OTUD7A: variants seen among roughly 807,000 people sequenced by gnomAD.
The protein encoded by OTUD7A is OTU deubiquitinase 7A.
In OTUD7A, 12 loss-of-function variants were observed where a neutral mutation model predicts 65.7. The observed-to-expected ratio is 0.18, with a 90% CI of 0.12 to 0.30. The LOEUF (loss-of-function observed/expected upper bound fraction) is 0.30. Ranked by LOEUF, OTUD7A falls within the 10% of genes least tolerant of loss-of-function variation. The probability of loss-of-function intolerance (pLI) is 1.00; values close to 1 mark genes in which losing one functional copy is unlikely to be tolerated. For synonymous variants in OTUD7A, 641 were observed against 586.3 expected (o/e 1.09, Z -1.35); for missense variants, 1,148 against 1,304.8 (o/e 0.88, Z 1.85).
At chr15:31,864,613 C>G (rs1897829848) in intron 1 of OTUD7A, among the ~76,000 whole-genome samples, 1 of 152,134 alleles carries the variant, frequency 6.6e-6, no homozygotes, top group Non-Finnish European at 1.5e-5. Flanking sequence ...GTCCCTCCCA[C>G]AACACATGGA....
Position 31,477,596 on chromosome 15 carries a change from A to T in OTUD7A, c.*5698T>A, listed in dbSNP as rs2141050416. ...CAGCTAAAGTTCTCACAATAATAGA[A>T]CCTAGATTTGATGAAAGCTGAAATT... is the stretch of plus-strand genomic sequence containing the variant. On this transcript the variant is annotated 3_prime_UTR_variant, in exon 13 of 13. Coordinates refer to ENST00000307050, the MANE Select transcript of OTUD7A (RefSeq NM_001382637.1). The T allele has an allele frequency of 6.6e-6, 1 of 152,178 alleles. No individual in the cohort carries two copies. Among genetic ancestry groups the T allele is most frequent in the East Asian group, 1.9e-4 (1 of 5,174 alleles). The allele number at this position is 152,178 out of a possible 1,614,324, so 9.4% of individuals were successfully genotyped here.
chr15:31,654,449 T>C (rs935618200), intron 3 of OTUD7A, among the ~76,000 whole-genome samples: 2 of 152,028 alleles, frequency 1.3e-5, no homozygotes, highest in African/African-American at 4.8e-5. Context: ...AAGTATTTAC[T>C]AACTCCACAA....
intron 1 of OTUD7A, among the ~76,000 whole-genome samples, chr15:31,864,420 G>C (rs985115520): frequency 6.6e-6 from 1 of 152,166 alleles, no homozygotes; most frequent in African/African-American, 2.4e-5. Context: ...CACACGGCTG[G>C]GGAGACCTCA....
At chr15:31,754,556 C>T (rs999654352) in intron 1 of OTUD7A, among the ~76,000 whole-genome samples, 1 of 152,126 alleles carries the variant, frequency 6.6e-6, no homozygotes, top group Non-Finnish European at 1.5e-5. Flanking sequence ...GACAAGAATC[C>T]ATTTTCATTC....
At chr15:31,771,355 C>A (rs996770250) in intron 1 of OTUD7A, among the ~76,000 whole-genome samples, 1 of 152,174 alleles carries the variant, frequency 6.6e-6, no homozygotes, top group Non-Finnish European at 1.5e-5. Context: ...GATAGAAATA[C>A]CGACTTTACT....
intron 1 of OTUD7A, among the ~76,000 whole-genome samples, chr15:31,750,767 A>G (rs1470396709): frequency 6.6e-6 from 1 of 152,192 alleles, no homozygotes; most frequent in Non-Finnish European, 1.5e-5. Context: ...TTGTGTCAGG[A>G]TAAGTTGAAC....
chr15:31,754,057 T>C (rs1894739865), intron 1 of OTUD7A, among the ~76,000 whole-genome samples: 1 of 152,136 alleles, frequency 6.6e-6, no homozygotes, highest in African/African-American at 2.4e-5. Flanking sequence ...ATTATGGCCA[T>C]TCTTGCAGGA....
intron 1 of OTUD7A, among the ~76,000 whole-genome samples, chr15:31,719,600 C>A (rs996215522): frequency 1.3e-5 from 2 of 152,306 alleles, no homozygotes; most frequent in Admixed American, 6.5e-5. Context: ...TCCTCCCTTG[C>A]AATACTGCAG....
At chr15:31,789,239 A>C (rs1011982663) in intron 1 of OTUD7A, among the ~76,000 whole-genome samples, 3 of 152,172 alleles carry the variant, frequency 2.0e-5, no homozygotes, top group Non-Finnish European at 4.4e-5. Flanking sequence ...AGAAACCAGG[A>C]GAAACTGCTG....
intron 5 of OTUD7A, among the ~76,000 whole-genome samples, chr15:31,538,219 T>C (rs1372898232): frequency 6.6e-6 from 1 of 152,180 alleles, no homozygotes; most frequent in African/African-American, 2.4e-5. Context: ...CGGCCACAGC[T>C]ACACTGCATC....
At chr15:31,727,703 A>G (rs1893930948) in intron 1 of OTUD7A, among the ~76,000 whole-genome samples, 1 of 152,154 alleles carries the variant, frequency 6.6e-6, no homozygotes, top group Non-Finnish European at 1.5e-5. Flanking sequence ...CCTGTTACCA[A>G]TACTGTGGGT....
chr15:31,578,555 CCTT>C (rs1889274012), intron 3 of OTUD7A, among the ~76,000 whole-genome samples: 1 of 129,698 alleles, frequency 7.7e-6, no homozygotes, highest in Non-Finnish European at 1.5e-5. Context: ...AAACCAATGT[CCTT>C]TTTTTTTTTT....
intron 10 of OTUD7A, among the ~76,000 whole-genome samples, chr15:31,493,675 A>G (rs1208247293): frequency 4.6e-5 from 7 of 152,262 alleles, no homozygotes; most frequent in African/African-American, 2.4e-5. Flanking sequence ...TGCTCATGTC[A>G]TAACTGAAAC....
intron 3 of OTUD7A, among the ~76,000 whole-genome samples, chr15:31,622,161 A>G (rs1454882732): frequency 2.0e-5 from 3 of 152,130 alleles, no homozygotes; most frequent in Admixed American, 6.5e-5. Flanking sequence ...TTCCCTTTGT[A>G]GGTAACCCGA....
At chr15:31,580,388 T>C (rs1475385840) in intron 3 of OTUD7A, among the ~76,000 whole-genome samples, 3 of 152,216 alleles carry the variant, frequency 2.0e-5, no homozygotes, top group Admixed American at 1.3e-4. Context: ...TGAAACTTGA[T>C]GAGATTTTTA....
intron 1 of OTUD7A, among the ~76,000 whole-genome samples, chr15:31,738,412 T>A (rs889527336): frequency 3.3e-5 from 5 of 151,944 alleles, no homozygotes; most frequent in African/African-American, 1.2e-4. Flanking sequence ...AAGAAGGAAC[T>A]CCAGCCACCA....
chr15:31,794,780 C>A (rs1475788683), intron 1 of OTUD7A, among the ~76,000 whole-genome samples: 1 of 152,182 alleles, frequency 6.6e-6, no homozygotes, highest in Non-Finnish European at 1.5e-5. Flanking sequence ...GTGAGCAATT[C>A]ATAAGAAGAG....
At chr15:31,845,517 T>C (rs577580002) in intron 1 of OTUD7A, among the ~76,000 whole-genome samples, 55 of 152,336 alleles carry the variant, frequency 3.6e-4, no homozygotes, top group African/African-American at 1.3e-3. Context: ...AACCACACGA[T>C]GCACCCAGGG....
intron 1 of OTUD7A, among the ~76,000 whole-genome samples, chr15:31,860,622 G>GATAAATATATAT (rs59869625): frequency 0.022 from 578 of 26,836 alleles, 24 homozygotes; most frequent in African/African-American, 0.046. Context: ...CAGAAGTGGA[G>GATAAATATATAT]ATATATATAT....
Sources: gnomAD v4.1 joint callset for allele counts (sites outside exome capture counted in the v4.1 genomes callset) on GRCh38, gnomAD v4.1.1 for gene constraint, MANE v1.5 for transcripts, NCBI Gene and HGNC (gene_info 2026-07-23, HGNC 2026-07-21) for gene names.